TTC39B: variants seen among roughly 807,000 people sequenced by gnomAD.
TTC39B encodes tetratricopeptide repeat protein 39B.
TTC39B carries 92 observed loss-of-function variants against 96.6 expected under a neutral mutation model. The observed-to-expected ratio is 0.95, with a 90% CI of 0.80 to 1.13. The LOEUF is 1.13. Ranked by LOEUF, TTC39B falls within the 50% of genes most tolerant of loss-of-function variation. TTC39B has a pLI of 0.00. For missense variants in TTC39B, 955 were observed against 809.3 expected (o/e 1.18, Z -2.18); for synonymous variants, 367 against 299.4 (o/e 1.23, Z -2.33).
At chr9:15,304,480 A>T (rs1824693698) in intron 1 of TTC39B, among the ~76,000 whole-genome samples, 1 of 152,180 alleles carries the variant, frequency 6.6e-6, no homozygotes, top group Non-Finnish European at 1.5e-5. Flanking sequence ...AATTTATCAT[A>T]CTAGCACCTA....
intron 3 of TTC39B, among the ~76,000 whole-genome samples, chr9:15,215,089 A>G (rs1282931626): frequency 6.6e-6 from 1 of 152,166 alleles, no homozygotes; most frequent in Non-Finnish European, 1.5e-5. Flanking sequence ...ACTCGTCTCT[A>G]TAAAAAAGTT....
chr9:15,268,574 C>T (rs1334224643), intron 1 of TTC39B, among the ~76,000 whole-genome samples: 13 of 152,136 alleles, frequency 8.5e-5, no homozygotes, highest in Non-Finnish European at 1.6e-4. Context: ...CATACAAATA[C>T]ACATGCACTC....
Position 15,183,464 on chromosome 9 carries a change from C to CAAA in TTC39B, c.1615-1052_1615-1050dup, listed in dbSNP as rs35283660. ...AGGCTTTTGGTAAAATTCCTAGGTA[C>CAAA]AAAAAAAAAAAAAAAAATCCCAGTA... On this transcript the variant is annotated intron_variant, in intron 16 of 19. Coordinates refer to ENST00000512701, the Ensembl canonical transcript of TTC39B. 89 of 259,556 alleles carry CAAA rather than the reference C, an allele frequency of 3.4e-4. 1 individual carries two copies. Among genetic ancestry groups the CAAA allele is most frequent in the Middle Eastern group, 1.3e-3 (2 of 1,488 alleles). The allele number at this position is 259,556 out of a possible 1,614,324, so 16.1% of individuals were successfully genotyped here. A position where few individuals can be genotyped will look rare whatever the true frequency, so the allele number is the denominator to read the frequency against.
intron 2 of TTC39B, among the ~76,000 whole-genome samples, chr9:15,240,556 A>G (rs972593276): frequency 2.0e-5 from 3 of 152,220 alleles, no homozygotes; most frequent in Non-Finnish European, 4.4e-5. Context: ...TAATGAAAAA[A>G]GTTAAGCATA....
intron 7 of TTC39B, among the ~76,000 whole-genome samples, chr9:15,200,304 G>C (rs1435904566): frequency 6.6e-6 from 1 of 152,146 alleles, no homozygotes; most frequent in Non-Finnish European, 1.5e-5. Context: ...TCTGCTCTAA[G>C]GCCAAACCTT....
chr9:15,199,720 G>A, intron 8 of TTC39B, 141 bp downstream of exon 8: 1 of 342,814 alleles, frequency 2.9e-6, no homozygotes, highest in Non-Finnish European at 4.8e-6. Context: ...GGGTGACAGA[G>A]TGAGACTCCG....
chr9:15,177,513 T>C (rs1588840972), intron 18 of TTC39B, among the ~76,000 whole-genome samples, 184 bp downstream of exon 18: 1 of 152,218 alleles, frequency 6.6e-6, no homozygotes, highest in South Asian at 2.1e-4. Flanking sequence ...TAAAGTCATG[T>C]TCCACCCAGA....
intron 3 of TTC39B, among the ~76,000 whole-genome samples, chr9:15,218,180 A>AG (rs1243623113): frequency 6.6e-6 from 1 of 151,844 alleles, no homozygotes; most frequent in East Asian, 1.9e-4. Flanking sequence ...AAAAAAAAAA[A>AG]AAAAAAAAAG....
At chr9:15,285,952 C>T (rs1823960760) in intron 1 of TTC39B, among the ~76,000 whole-genome samples, 1 of 152,146 alleles carries the variant, frequency 6.6e-6, no homozygotes, top group Non-Finnish European at 1.5e-5. Flanking sequence ...GCTTTCTCAC[C>T]CTCTCCACCT....
chr9:15,291,179 T>C (rs1563793047), intron 1 of TTC39B, among the ~76,000 whole-genome samples: 1 of 152,202 alleles, frequency 6.6e-6, no homozygotes, highest in Non-Finnish European at 1.5e-5. Flanking sequence ...ATTTGTGATA[T>C]GGTTTGGCTG....
At chr9:15,282,261 C>A (rs891164746) in intron 1 of TTC39B, among the ~76,000 whole-genome samples, 55 of 152,016 alleles carry the variant, frequency 3.6e-4, no homozygotes, top group African/African-American at 1.3e-3. Context: ...ATACATTATC[C>A]ACCAAAAAAT....
At chr9:15,257,181 T>C (rs747186063) in intron 2 of TTC39B, among the ~76,000 whole-genome samples, 11 of 152,228 alleles carry the variant, frequency 7.2e-5, no homozygotes, top group Non-Finnish European at 1.6e-4. Flanking sequence ...GATTAAACTA[T>C]AGCTCTATAT....
chr9:15,300,084 C>T (rs955067664), intron 1 of TTC39B, among the ~76,000 whole-genome samples: 1 of 152,218 alleles, frequency 6.6e-6, no homozygotes, highest in Admixed American at 6.5e-5. Context: ...CCTCCACTAA[C>T]TTGCATTACC....
intron 3 of TTC39B, among the ~76,000 whole-genome samples, chr9:15,218,580 T>A (rs545145049): frequency 3.6e-5 from 5 of 139,216 alleles, no homozygotes; most frequent in Non-Finnish European, 6.3e-5. Flanking sequence ...TCCTCATGTT[T>A]CTAATTTAAA....
chr9:15,258,813 T>C (rs1822846489), intron 2 of TTC39B, among the ~76,000 whole-genome samples: 1 of 152,162 alleles, frequency 6.6e-6, no homozygotes, highest in South Asian at 2.1e-4. Flanking sequence ...GATGAGATAA[T>C]TGCACCAAAG....
exon 20 of TTC39B, chr9:15,171,924 T>G (rs1346846248): frequency 1.1e-6 from 1 of 938,876 alleles, no homozygotes; most frequent in East Asian, 2.6e-5. Context: ...TTTTTGTCTC[T>G]TATTCACAAG....
At chr9:15,213,045 C>G (rs902137215) in intron 4 of TTC39B, among the ~76,000 whole-genome samples, 2 of 152,068 alleles carry the variant, frequency 1.3e-5, no homozygotes, top group Non-Finnish European at 2.9e-5. Context: ...GATCACTGAA[C>G]ACTGTATACA....
chr9:15,274,238 C>T (rs1167443592), intron 1 of TTC39B, among the ~76,000 whole-genome samples: 1 of 152,144 alleles, frequency 6.6e-6, no homozygotes, highest in African/African-American at 2.4e-5. Flanking sequence ...GTACCCTGAG[C>T]TCATCTGTTA....
chr9:15,231,999 G>C (rs1821448351), intron 2 of TTC39B, among the ~76,000 whole-genome samples: 3 of 152,014 alleles, frequency 2.0e-5, no homozygotes, highest in Non-Finnish European at 4.4e-5. Flanking sequence ...ACCCCCACCA[G>C]GGCTGGAGCT....
Sources: allele counts gnomAD v4.1 joint callset (sites outside exome capture counted in the v4.1 genomes callset), GRCh38; gene constraint gnomAD v4.1.1; transcripts MANE v1.5; gene names NCBI Gene and HGNC (gene_info 2026-07-23, HGNC 2026-07-21).